Variants in TMEM132D observed in about 807,000 individuals in gnomAD.
TMEM132D encodes the protein mature OL transmembrane protein.
A neutral mutation model predicts 62.3 loss-of-function variants in TMEM132D; 21 were observed. The ratio of observed to expected loss-of-function variants is 0.34; its 90% confidence interval spans 0.24 to 0.49. The LOEUF is 0.49. Ranked by LOEUF, TMEM132D falls within the 20% of genes least tolerant of loss-of-function variation. The probability of loss-of-function intolerance (pLI) is 0.99; values close to 1 mark genes in which losing one functional copy is unlikely to be tolerated. For missense variants in TMEM132D, 1,346 were observed against 1,402.8 expected (o/e 0.96, Z 0.65); for synonymous variants, 621 against 575.6 (o/e 1.08, Z -1.13).
chr12:129,560,068 G>A lies in TMEM132D; in HGVS notation c.969-28863C>T, dbSNP rs564180543. Among the ~76,000 whole-genome samples the A allele has an allele frequency of 7.2e-4, 109 of 152,132 alleles. 3 individuals are homozygous for A. Among genetic ancestry groups the A allele is most frequent in the South Asian group, 2.1e-4 (1 of 4,826 alleles). On this transcript the variant is annotated intron_variant, in intron 2 of 8. Coordinates refer to ENST00000422113, the MANE Select transcript of TMEM132D (RefSeq NM_133448.3). Reference sequence around the variant, plus strand: ...TTTAATTCAATGTGAAAAGTGTAACGCTGACAGCTCTATGGGCAACCACAT... The same window carrying A: ...TTTAATTCAATGTGAAAAGTGTAACACTGACAGCTCTATGGGCAACCACAT...
intron 1 of TMEM132D, among the ~76,000 whole-genome samples, chr12:129,794,538 ACTT>A (rs993469720): frequency 5.9e-5 from 9 of 152,144 alleles, no homozygotes; most frequent in African/African-American, 2.2e-4. Context: ...TAAAGAAAAC[ACTT>A]CTATTTTGAT....
chr12:129,752,167 G>T (rs1277898262), intron 1 of TMEM132D, among the ~76,000 whole-genome samples: 2 of 151,786 alleles, frequency 1.3e-5, no homozygotes, highest in Admixed American at 6.6e-5. Flanking sequence ...ATTTAATAAA[G>T]AAATACCAAA....
chr12:129,105,394 G>A (rs1199064748), intron 5 of TMEM132D, among the ~76,000 whole-genome samples: 1 of 117,654 alleles, frequency 8.5e-6, no homozygotes, highest in African/African-American at 3.5e-5. Flanking sequence ...GGACCGTTGT[G>A]GGGTGGGGGG....
At position 129,815,164 on chromosome 12, in the gene TMEM132D, A is replaced by T. The variant is rs536711311; in HGVS notation, c.79+88097T>A. On this transcript the variant is annotated intron_variant, in intron 1 of 8. Transcript: ENST00000422113. ...TGCGCTAAGTAATTAGCCTACGGGCATTTGTTAAGTCAAGGTTAGTATATA... is the reference window on the plus strand; with the variant it reads ...TGCGCTAAGTAATTAGCCTACGGGCTTTTGTTAAGTCAAGGTTAGTATATA... Among the ~76,000 whole-genome samples the T allele has an allele frequency of 1.9e-3, 295 of 152,316 alleles. 1 individual carries two copies. The highest frequency in any genetic ancestry group is 6.8e-3 in the Middle Eastern group (2 of 294).
chr12:129,741,198 A>G (rs1266991648), intron 1 of TMEM132D, among the ~76,000 whole-genome samples: 1 of 152,184 alleles, frequency 6.6e-6, no homozygotes, highest in Non-Finnish European at 1.5e-5. Flanking sequence ...TTGAAACATC[A>G]AGAGATCTCT....
intron 3 of TMEM132D, among the ~76,000 whole-genome samples, chr12:129,418,094 G>A (rs1011221292): frequency 1.3e-5 from 2 of 152,220 alleles, no homozygotes; most frequent in Non-Finnish European, 2.9e-5. Context: ...CTTTTACACT[G>A]TTGGTGGAAC....
intron 1 of TMEM132D, among the ~76,000 whole-genome samples, chr12:129,727,668 A>G (rs1462448408): frequency 3.3e-5 from 5 of 152,206 alleles, no homozygotes; most frequent in Non-Finnish European, 7.3e-5. Context: ...GATGACTTTC[A>G]TTGCTAAGAT....
chr12:129,352,700 AC>A (rs1428165179), intron 3 of TMEM132D, among the ~76,000 whole-genome samples: 1 of 152,190 alleles, frequency 6.6e-6, no homozygotes, highest in Non-Finnish European at 1.5e-5. Flanking sequence ...GCAAATCAAA[AC>A]CACAATGAGA....
Position 129,286,270 on chromosome 12 carries a change from C to T in TMEM132D, c.1299+51364G>A, listed in dbSNP as rs185432736. Among the ~76,000 whole-genome samples the T allele has an allele frequency of 3.9e-5, 6 of 152,266 alleles. No individual in the cohort carries two copies. The East Asian group carries it at 1.2e-3, about 29-fold the overall frequency. ...GTACAGAACCCAAAATATACGTGGGCATTGGTGTTTCATGTATGGTGTTTA... is the reference window on the plus strand; with the variant it reads ...GTACAGAACCCAAAATATACGTGGGTATTGGTGTTTCATGTATGGTGTTTA... On this transcript the variant is annotated intron_variant, in intron 4 of 8. Transcript: ENST00000422113.
chr12:129,076,891 C>T (rs1363251844), intron 8 of TMEM132D, among the ~76,000 whole-genome samples: 3 of 152,310 alleles, frequency 2.0e-5, no homozygotes, highest in African/African-American at 7.2e-5. Context: ...ATGTTATCAC[C>T]CACAAAGACA....
At chr12:129,636,737 T>TGTGTGTGTGGA (rs375868329) in intron 2 of TMEM132D, among the ~76,000 whole-genome samples, 4 of 113,562 alleles carry the variant, frequency 3.5e-5, no homozygotes, top group Non-Finnish European at 7.1e-5. Context: ...TGTGTGTGTG[T>TGTGTGTGTGGA]GAGAGAGAGA....
intron 1 of TMEM132D, among the ~76,000 whole-genome samples, chr12:129,747,838 TCAGACACACA>T (rs1378431895): frequency 9.5e-5 from 9 of 94,990 alleles, no homozygotes; most frequent in South Asian, 4.5e-4. Flanking sequence ...CGACACACAT[TCAGACACACA>T]CAGACACACA....
chr12:129,557,027 A>G (rs552548448), intron 2 of TMEM132D, among the ~76,000 whole-genome samples: 45 of 152,334 alleles, frequency 3.0e-4, no homozygotes, highest in Admixed American at 2.5e-3. Context: ...TCCTTCTTTT[A>G]AAAGTGTTCA....
intron 1 of TMEM132D, among the ~76,000 whole-genome samples, chr12:129,731,837 T>C (rs1486991772): frequency 2.6e-5 from 4 of 152,104 alleles, no homozygotes; most frequent in Non-Finnish European, 5.9e-5. Context: ...TAATTTTTTG[T>C]ATTTTTAGTA....
intron 1 of TMEM132D, among the ~76,000 whole-genome samples, chr12:129,899,191 TGATGAATGAATG>T (rs1875248681): frequency 7.5e-6 from 1 of 133,016 alleles, no homozygotes; most frequent in South Asian, 2.2e-4. Flanking sequence ...AAGGATGGAA[TGATGAATGAATG>T]GATGGATGGG....
At chr12:129,817,959 GTATGTGTGTATA>G (rs1872409430) in intron 1 of TMEM132D, among the ~76,000 whole-genome samples, 4 of 148,048 alleles carry the variant, frequency 2.7e-5, no homozygotes, top group Admixed American at 6.7e-5. Flanking sequence ...GGTGTGAGGT[GTATGTGTGTATA>G]TGTGTGTGTG....
chr12:129,174,170 T>C (rs1265557146), intron 5 of TMEM132D, among the ~76,000 whole-genome samples: 2 of 152,292 alleles, frequency 1.3e-5, no homozygotes, highest in South Asian at 2.1e-4. Flanking sequence ...TACATAGGTA[T>C]ATGTGTGCCA....
At chr12:129,840,989 G>A (rs1873173046) in intron 1 of TMEM132D, among the ~76,000 whole-genome samples, 1 of 152,328 alleles carries the variant, frequency 6.6e-6, no homozygotes, top group South Asian at 2.1e-4. Context: ...TGTGCTGTTT[G>A]GTTACAGAAC....
At chr12:129,487,963 A>AAAAAAG (rs1874641498) in intron 3 of TMEM132D, among the ~76,000 whole-genome samples, 1 of 138,182 alleles carries the variant, frequency 7.2e-6, no homozygotes, top group African/African-American at 2.7e-5. Context: ...AAAAAAAAAA[A>AAAAAAG]GAGTGAATCT....
Sources: gnomAD v4.1 joint callset for allele counts (sites outside exome capture counted in the v4.1 genomes callset) on GRCh38, gnomAD v4.1.1 for gene constraint, MANE v1.5 for transcripts, NCBI Gene and HGNC (gene_info 2026-07-23, HGNC 2026-07-21) for gene names.